Variants in TMEM132E observed in about 807,000 individuals in gnomAD.
TMEM132E encodes the protein transmembrane protein 132E.
In TMEM132E, 49 loss-of-function variants were observed where a neutral mutation model predicts 78.5. The observed-to-expected ratio is 0.62, with a 90% CI of 0.50 to 0.79. The LOEUF (loss-of-function observed/expected upper bound fraction) is 0.79, where lower values mean the gene tolerates loss of function less well. Among genes scored for constraint, TMEM132E ranks in the 30% least tolerant of loss-of-function variants. TMEM132E has a pLI of 0.00. For missense variants in TMEM132E, 1,403 were observed against 1,470.9 expected (o/e 0.95, Z 0.75); for synonymous variants, 715 against 670.6 (o/e 1.07, Z -1.02).
At chr17:34,620,940 T>G (rs1487710519) in intron 1 of TMEM132E, among the ~76,000 whole-genome samples, 1 of 152,166 alleles carries the variant, frequency 6.6e-6, no homozygotes, top group Admixed American at 6.5e-5. Context: ...TTTGTCTTTT[T>G]GGGTTGTGAG....
chr17:34,626,128 C>T lies in TMEM132E; in HGVS notation c.69C>T (p.Ala23=). 6.6e-7 allele frequency: 1 copy of T among 1,514,750 alleles called. No individual in the cohort carries two copies. Among genetic ancestry groups the T allele is most frequent in the Non-Finnish European group, 8.8e-7 (1 of 1,135,896 alleles). The allele number at this position is 1,514,750 out of a possible 1,614,324, so 93.8% of individuals were successfully genotyped here. Residue 23 remains alanine (A), a splice_region_variant and synonymous_variant, in exon 2 of 9, where the codon GCC becomes GCT. Transcript: ENST00000631683. ...LLCLSALLAH[A]SGRSHPASPS... ...CCTCTTTCCTCTGTCTGTCCCCAGC[C>T]TCTGGCCGCTCCCACCCGGCCAGCC...
intron 8 of TMEM132E, 103 bp downstream of exon 8, chr17:34,636,301 T>C: frequency 8.6e-7 from 1 of 1,166,372 alleles, no homozygotes; most frequent in Non-Finnish European, 1.1e-6. Flanking sequence ...ATTAGGGCTT[T>C]AGGAAATGGA....
chr17:34,635,870 C>T (rs1354837179), intron 7 of TMEM132E, 137 bp from the exon 8 acceptor site: 14 of 845,168 alleles, frequency 1.7e-5, no homozygotes, highest in Non-Finnish European at 2.1e-5. Flanking sequence ...GGCAGAGCTG[C>T]GAAGTCCTGC....
chr17:34,612,405 T>C (rs1906622553), intron 1 of TMEM132E, among the ~76,000 whole-genome samples: 1 of 152,100 alleles, frequency 6.6e-6, no homozygotes, highest in African/African-American at 2.4e-5. Flanking sequence ...CAACTGGAAA[T>C]GCCCTGGCTT....
chr17:34,612,827 G>A (rs2142067982), intron 1 of TMEM132E, among the ~76,000 whole-genome samples: 1 of 151,950 alleles, frequency 6.6e-6, no homozygotes, highest in African/African-American at 2.4e-5. Flanking sequence ...GTGTTTTGGG[G>A]AAGCCTTTCA....
intron 1 of TMEM132E, among the ~76,000 whole-genome samples, chr17:34,607,835 A>C (rs1419193966): frequency 2.0e-5 from 3 of 152,136 alleles, no homozygotes; most frequent in Non-Finnish European, 4.4e-5. Flanking sequence ...GTGAGGTCTG[A>C]AAGGGTCCCG....
Position 34,629,072 on chromosome 17 carries a change from CCAGT to C in TMEM132E, c.1213_1216del (p.Val405SerfsTer26). ...ACTTTGAAATGGAGAACTTCACCAG[CCAGT>C]CAGTCAAGCGGAGGATCATGTGGCA... On this transcript the variant is annotated frameshift_variant, in exon 4 of 9. Coordinates refer to ENST00000631683, the MANE Select transcript of TMEM132E (RefSeq NM_001304438.2). LOFTEE classifies it high-confidence loss of function. The C allele has an allele frequency of 1.2e-6, 2 of 1,602,024 alleles. No individual in the cohort carries two copies. The highest frequency in any genetic ancestry group is 1.7e-6 in the Non-Finnish European group (2 of 1,171,972).
Position 34,635,992 on chromosome 17 carries a change from C to T in TMEM132E, c.1978-15C>T. The T allele has an allele frequency of 2.8e-6, 4 of 1,414,106 alleles. No homozygotes were observed. The highest frequency in any genetic ancestry group is 1.6e-5 in the South Asian group (1 of 61,328). 87.6% of individuals were successfully genotyped at this position (1,414,106 alleles called of 1,614,324 possible). A position where few individuals can be genotyped will look rare whatever the true frequency, so the allele number is the denominator to read the frequency against. On this transcript the variant is annotated splice_polypyrimidine_tract_variant and intron_variant, in intron 7 of 8. Transcript: ENST00000631683. ...TTTCCTGGTTCTCTCCCACCCCGGT[C>T]CCGCTCTGCCTCAGGTGGTGTCTCC...
chr17:34,615,512 C>T (rs1343601121), intron 1 of TMEM132E, among the ~76,000 whole-genome samples: 1 of 94,078 alleles, frequency 1.1e-5, no homozygotes, highest in Non-Finnish European at 2.3e-5. Flanking sequence ...GGAAGACTGG[C>T]ACAGATGTGT....
chr17:34,588,822 C>T (rs1005410834), intron 1 of TMEM132E, among the ~76,000 whole-genome samples: 10 of 152,176 alleles, frequency 6.6e-5, no homozygotes, highest in African/African-American at 2.2e-4. Flanking sequence ...GGTGCCATCT[C>T]GGCTCACTGC....
chr17:34,583,831 A>G (rs963914773), intron 1 of TMEM132E, among the ~76,000 whole-genome samples: 2 of 152,190 alleles, frequency 1.3e-5, no homozygotes, highest in Non-Finnish European at 2.9e-5. Context: ...ACTCCTGGAC[A>G]GAGACCATGT....
intron 1 of TMEM132E, among the ~76,000 whole-genome samples, chr17:34,610,162 C>G (rs112549705): frequency 0.015 from 2,225 of 152,320 alleles, 56 homozygotes; most frequent in South Asian, 0.071. Flanking sequence ...CGAAGCCTAG[C>G]AGCACTTCCT....
intron 1 of TMEM132E, among the ~76,000 whole-genome samples, chr17:34,618,437 G>T (rs1485427787): frequency 1.4e-5 from 2 of 143,068 alleles, no homozygotes; most frequent in African/African-American, 5.2e-5. Context: ...TCGCTTTGTT[G>T]TCCAAGCTGG....
intron 5 of TMEM132E, among the ~76,000 whole-genome samples, chr17:34,631,845 T>G (rs1907358036): frequency 6.6e-6 from 1 of 152,192 alleles, no homozygotes; most frequent in African/African-American, 2.4e-5. Flanking sequence ...CCTAGATGCA[T>G]GTACACACAG....
At chr17:34,611,390 C>G (rs1197443282) in intron 1 of TMEM132E, among the ~76,000 whole-genome samples, 1 of 152,124 alleles carries the variant, frequency 6.6e-6, no homozygotes, top group East Asian at 1.9e-4. Context: ...AGCTGTGAGA[C>G]CTTGGGTGGG....
intron 1 of TMEM132E, among the ~76,000 whole-genome samples, chr17:34,598,798 G>T: frequency 6.6e-6 from 1 of 152,200 alleles, no homozygotes; most frequent in East Asian, 1.9e-4. Flanking sequence ...GAGCCTCTGA[G>T]ACCCAGGCTG....
At chr17:34,611,535 C>T (rs963630118) in intron 1 of TMEM132E, among the ~76,000 whole-genome samples, 16 of 152,204 alleles carry the variant, frequency 1.1e-4, no homozygotes, top group Admixed American at 3.9e-4. Context: ...CAATCAATAT[C>T]GTGCCAAGAG....
chr17:34,620,912 G>A (rs1039649695), intron 1 of TMEM132E, among the ~76,000 whole-genome samples: 1 of 152,214 alleles, frequency 6.6e-6, no homozygotes, highest in Non-Finnish European at 1.5e-5. Flanking sequence ...CAGAGCTGGT[G>A]AAGCCACTAT....
intron 4 of TMEM132E, among the ~76,000 whole-genome samples, 185 bp downstream of exon 4, chr17:34,629,389 C>A (rs1907270043): frequency 6.6e-6 from 1 of 152,144 alleles, no homozygotes; most frequent in African/African-American, 2.4e-5. Flanking sequence ...TTTGTCGGGC[C>A]ATGAGGACAG....
Sources: gnomAD v4.1 joint callset for allele counts (sites outside exome capture counted in the v4.1 genomes callset) on GRCh38, gnomAD v4.1.1 for gene constraint, MANE v1.5 for transcripts, NCBI Gene and HGNC (gene_info 2026-07-23, HGNC 2026-07-21) for gene names.